ADAMTSL3: variants seen among roughly 807,000 people sequenced by gnomAD.
The protein encoded by ADAMTSL3 is ADAMTS like 3, also known as ADAMTS-like protein 3.
A neutral mutation model predicts 201.7 loss-of-function variants in ADAMTSL3; 128 were observed. The observed-to-expected ratio is 0.63, with a 90% CI of 0.55 to 0.73. The LOEUF is 0.73. ADAMTSL3 is among the 30% of genes least tolerant of loss of function. The pLI is 0.00. For missense variants in ADAMTSL3, 1,990 were observed against 2,119.6 expected (o/e 0.94, Z 1.20); for synonymous variants, 738 against 748.4 (o/e 0.99, Z 0.23).
intron 9 of ADAMTSL3, among the ~76,000 whole-genome samples, chr15:83,884,559 G>A (rs1435235376): frequency 6.6e-6 from 1 of 152,030 alleles, no homozygotes; most frequent in East Asian, 1.9e-4. Flanking sequence ...ACAGGTGTGA[G>A]CCACCGTGCC....
At chr15:83,744,781 T>C (rs1363441469) in intron 3 of ADAMTSL3, among the ~76,000 whole-genome samples, 1 of 152,214 alleles carries the variant, frequency 6.6e-6, no homozygotes, top group East Asian at 1.9e-4. Flanking sequence ...TTTCAGTCAG[T>C]GGTTTGTCAG....
At chr15:83,785,767 A>G (rs1176018175) in intron 4 of ADAMTSL3, among the ~76,000 whole-genome samples, 1 of 149,996 alleles carries the variant, frequency 6.7e-6, no homozygotes, top group African/African-American at 2.4e-5. Context: ...TTTCACATTT[A>G]TCATGTTCTC....
At chr15:83,882,266 A>G (rs1026801242) in intron 9 of ADAMTSL3, among the ~76,000 whole-genome samples, 3 of 152,232 alleles carry the variant, frequency 2.0e-5, no homozygotes, top group African/African-American at 7.2e-5. Flanking sequence ...CAGTCCTGCC[A>G]CAGCCAGAAA....
chr15:83,764,654 G>A (rs1305094481), intron 3 of ADAMTSL3, among the ~76,000 whole-genome samples: 1 of 152,022 alleles, frequency 6.6e-6, no homozygotes, highest in Non-Finnish European at 1.5e-5. Context: ...TAGCGTGCAG[G>A]GCCAAGGCAG....
intron 7 of ADAMTSL3, among the ~76,000 whole-genome samples, chr15:83,850,747 G>A (rs1442018061): frequency 6.6e-6 from 1 of 152,126 alleles, no homozygotes; most frequent in East Asian, 1.9e-4. Flanking sequence ...GCACTTTTAA[G>A]CCCTCATCTG....
chr15:83,872,144 T>C (rs2065092152), intron 9 of ADAMTSL3, among the ~76,000 whole-genome samples: 1 of 152,140 alleles, frequency 6.6e-6, no homozygotes, highest in Non-Finnish European at 1.5e-5. Context: ...CTCTTAAAAA[T>C]CAAGAGATTT....
intron 8 of ADAMTSL3, among the ~76,000 whole-genome samples, chr15:83,861,164 A>T (rs141747359): frequency 1.3e-5 from 2 of 151,602 alleles, no homozygotes; most frequent in East Asian, 3.9e-4. Context: ...GACTCCACCT[A>T]CTCCACCTAG....
At chr15:83,721,442 C>T (rs1045883583) in intron 3 of ADAMTSL3, among the ~76,000 whole-genome samples, 8 of 152,190 alleles carry the variant, frequency 5.3e-5, no homozygotes, top group African/African-American at 1.9e-4. Flanking sequence ...AGAACTCTGA[C>T]GCTTCAGACT....
intron 8 of ADAMTSL3, among the ~76,000 whole-genome samples, chr15:83,865,211 G>A (rs187208060): frequency 2.6e-5 from 4 of 152,096 alleles, no homozygotes; most frequent in Non-Finnish European, 5.9e-5. Flanking sequence ...TAGATTCAAC[G>A]CCATCCCCAT....
chr15:83,672,342 G>T (rs1182927712), intron 2 of ADAMTSL3, among the ~76,000 whole-genome samples: 2 of 152,196 alleles, frequency 1.3e-5, no homozygotes, highest in Non-Finnish European at 2.9e-5. Context: ...GGTGCTCCAG[G>T]GGGTCTGGAA....
Position 83,848,941 on chromosome 15 carries a change from C to T in ADAMTSL3, c.728-9825C>T, listed in dbSNP as rs193271897. The stretch of plus-strand genomic sequence containing the variant: ...ATAACAACCCCTTGGAACAGGTATT[C>T]CTATTCCAAGAGATTATCAAGAATC... On this transcript the variant is annotated intron_variant, in intron 7 of 29. Coordinates refer to ENST00000286744, the MANE Select transcript of ADAMTSL3 (RefSeq NM_207517.3). 7.2e-5 allele frequency among the ~76,000 whole-genome samples: 11 copies of T among 152,198 alleles called. No individual in the cohort carries two copies. The East Asian group carries it at 2.1e-3, about 29-fold the overall frequency.
intron 15 of ADAMTSL3, among the ~76,000 whole-genome samples, chr15:83,902,264 C>T (rs1418308249): frequency 6.6e-6 from 1 of 152,076 alleles, no homozygotes; most frequent in Non-Finnish European, 1.5e-5. Flanking sequence ...AGGTAGGGCA[C>T]AAGTCTAATT....
intron 7 of ADAMTSL3, among the ~76,000 whole-genome samples, chr15:83,839,619 G>A (rs1183028092): frequency 3.9e-5 from 6 of 152,192 alleles, no homozygotes; most frequent in Non-Finnish European, 7.3e-5. Flanking sequence ...CTATTCAAGA[G>A]TGTTTAAAAT....
At chr15:83,985,134 T>C (rs959707294) in intron 21 of ADAMTSL3, among the ~76,000 whole-genome samples, 3 of 152,128 alleles carry the variant, frequency 2.0e-5, no homozygotes, top group Non-Finnish European at 4.4e-5. Flanking sequence ...ATTTGGAAAA[T>C]ATTGGCTCAC....
chr15:83,844,981 C>T (rs1176028806), intron 7 of ADAMTSL3, among the ~76,000 whole-genome samples: 3 of 152,210 alleles, frequency 2.0e-5, no homozygotes, highest in East Asian at 3.9e-4. Context: ...TCCTCATTCC[C>T]TAATCCCCAG....
chr15:83,762,354 C>T (rs75177246), intron 3 of ADAMTSL3, among the ~76,000 whole-genome samples: 2,079 of 152,264 alleles, frequency 0.014, 46 homozygotes, highest in African/African-American at 0.044. Flanking sequence ...CTGATCTTAG[C>T]GTGCAGTAAA....
intron 3 of ADAMTSL3, among the ~76,000 whole-genome samples, chr15:83,716,238 C>T (rs751883328): frequency 6.6e-6 from 1 of 152,124 alleles, no homozygotes; most frequent in African/African-American, 2.4e-5. Flanking sequence ...CACGGTAGCT[C>T]ATGCCAGTAA....
At chr15:83,673,056 G>A (rs1233324357) in intron 2 of ADAMTSL3, among the ~76,000 whole-genome samples, 1 of 152,254 alleles carries the variant, frequency 6.6e-6, no homozygotes, top group East Asian at 1.9e-4. Context: ...TCAGAGCCAG[G>A]AAAGCATTTT....
intron 3 of ADAMTSL3, among the ~76,000 whole-genome samples, chr15:83,748,894 G>A (rs1348073801): frequency 2.6e-5 from 4 of 152,226 alleles, no homozygotes; most frequent in African/African-American, 9.6e-5. Context: ...TGGGGGCTGG[G>A]AGTGTTGCAT....
Sources: allele counts gnomAD v4.1 joint callset (sites outside exome capture counted in the v4.1 genomes callset), GRCh38; gene constraint gnomAD v4.1.1; transcripts MANE v1.5; gene names NCBI Gene and HGNC (gene_info 2026-07-23, HGNC 2026-07-21).